The following GRID2 variants were observed in gnomAD, a reference collection of about 807,000 sequenced individuals.
GRID2 encodes the protein glutamate ionotropic receptor delta type subunit 2.
A neutral mutation model predicts 114.8 loss-of-function variants in GRID2; 33 were observed. That is an observed-to-expected ratio of 0.29 (90% CI 0.22 to 0.38). GRID2 has a LOEUF of 0.38. Among genes scored for constraint, GRID2 ranks in the 10% least tolerant of loss-of-function variants. The pLI is 1.00. For missense variants in GRID2, 1,184 were observed against 1,257.7 expected (o/e 0.94, Z 0.89); for synonymous variants, 505 against 449.9 (o/e 1.12, Z -1.55).
intron 8 of GRID2, among the ~76,000 whole-genome samples, chr4:93,250,972 GA>G (rs1748851629): frequency 6.6e-6 from 1 of 151,722 alleles, no homozygotes. Context: ...TTTTTACTAG[GA>G]CCTTAAACAC....
chr4:93,234,686 A>G (rs572371721), intron 7 of GRID2, among the ~76,000 whole-genome samples: 2 of 135,092 alleles, frequency 1.5e-5, no homozygotes, highest in African/African-American at 5.4e-5. Context: ...GTTTCTATTT[A>G]CCCATAAAAA....
At chr4:92,545,070 G>A (rs575440068) in intron 1 of GRID2, among the ~76,000 whole-genome samples, 5 of 151,754 alleles carry the variant, frequency 3.3e-5, no homozygotes, top group Non-Finnish European at 7.4e-5. Context: ...CTAGACAAAA[G>A]CCACTGACCT....
chr4:92,497,889 A>G (rs115282428), intron 1 of GRID2, among the ~76,000 whole-genome samples: 3,023 of 151,990 alleles, frequency 0.02, 94 homozygotes, highest in African/African-American at 0.062. Context: ...ATTTTTGGAA[A>G]TAAAAAATTA....
intron 2 of GRID2, among the ~76,000 whole-genome samples, chr4:93,038,108 T>C (rs1436065546): frequency 6.6e-6 from 1 of 152,200 alleles, no homozygotes; most frequent in Non-Finnish European, 1.5e-5. Flanking sequence ...TGTTTTTCCA[T>C]TTGTTTGTTT....
At position 92,662,115 on chromosome 4, in the gene GRID2, A is replaced by C. The variant is rs535107482; in HGVS notation, c.244+71829A>C. Among the ~76,000 whole-genome samples the C allele has an allele frequency of 2.6e-5, 4 of 151,166 alleles. No individual in the cohort carries two copies. In the East Asian group the frequency reaches 5.8e-4, roughly 22 times the overall value. On this transcript the variant is annotated intron_variant, in intron 2 of 15. Coordinates refer to ENST00000282020, the MANE Select transcript of GRID2 (RefSeq NM_001510.4). Reference sequence around the variant, plus strand: ...AGCCCTAAGCCCTTCTCATCCTCACACAGGTTTCCTTTCTGTGTATGAAAA... The same window carrying C: ...AGCCCTAAGCCCTTCTCATCCTCACCCAGGTTTCCTTTCTGTGTATGAAAA...
At chr4:93,730,488 A>G (rs1377785729) in intron 14 of GRID2, among the ~76,000 whole-genome samples, 2 of 152,192 alleles carry the variant, frequency 1.3e-5, no homozygotes, top group Non-Finnish European at 2.9e-5. Flanking sequence ...AAAAGCGACA[A>G]TCAAGCCTTT....
Position 92,685,614 on chromosome 4 carries a change from T to C in GRID2, c.244+95328T>C, listed in dbSNP as rs539240766. On this transcript the variant is annotated intron_variant, in intron 2 of 15. Transcript: ENST00000282020. ...TTTTAACTATCTGCACATATTTTCA[T>C]AGAGTTCACTGATTTTATTAAATGA... is the stretch of plus-strand genomic sequence containing the variant. Among the ~76,000 whole-genome samples the C allele has an allele frequency of 3.9e-3, 593 of 152,218 alleles. 2 individuals are homozygous for C. The highest frequency in any genetic ancestry group is 6.4e-3 in the Admixed American group (98 of 15,302).
At chr4:93,549,747 A>G (rs1201999851) in intron 13 of GRID2, among the ~76,000 whole-genome samples, 1 of 152,212 alleles carries the variant, frequency 6.6e-6, no homozygotes, top group Non-Finnish European at 1.5e-5. Flanking sequence ...CTGCCAAGCA[A>G]ATTAATATAA....
chr4:93,625,356 C>T (rs768650750), intron 13 of GRID2, among the ~76,000 whole-genome samples: 4 of 152,184 alleles, frequency 2.6e-5, no homozygotes, highest in Non-Finnish European at 5.9e-5. Context: ...TTCTCTCAAT[C>T]CAAATGACAT....
intron 1 of GRID2, among the ~76,000 whole-genome samples, chr4:93,788,783 G>A (rs568385029): frequency 6.6e-6 from 1 of 152,284 alleles, no homozygotes; most frequent in South Asian, 2.1e-4. Context: ...CTTTATTGCA[G>A]CACTTCATCA....
rs1443704313 is a variant in GRID2 at position 93,412,164 on chromosome 4, C to G, written c.1348-10607C>G. On this transcript the variant is annotated intron_variant, in intron 9 of 15. Transcript: ENST00000282020. ...GGTTCTGTGGCTCATGCCTATAACT[C>G]CAGCATTTGGGGATCACTTGAGGTC... Among the ~76,000 whole-genome samples the G allele has an allele frequency of 2.6e-5, 4 of 151,640 alleles. No homozygotes were observed. The East Asian group carries it at 7.8e-4, about 30-fold the overall frequency.
chr4:92,383,409 A>G (rs780841281), intron 1 of GRID2, among the ~76,000 whole-genome samples: 4 of 152,042 alleles, frequency 2.6e-5, no homozygotes, highest in Non-Finnish European at 5.9e-5. Context: ...TATAAGCTCC[A>G]AAGGCCTAAG....
At chr4:92,929,074 T>C (rs1268192632) in intron 2 of GRID2, among the ~76,000 whole-genome samples, 1 of 151,544 alleles carries the variant, frequency 6.6e-6, no homozygotes, top group African/African-American at 2.4e-5. Flanking sequence ...ATATCTTCTT[T>C]TTATGTTTAT....
At chr4:92,912,086 TTACTA>T (rs982280193) in intron 2 of GRID2, among the ~76,000 whole-genome samples, 3 of 151,998 alleles carry the variant, frequency 2.0e-5, no homozygotes, top group Admixed American at 6.6e-5. Flanking sequence ...GTCATGTACT[TTACTA>T]TATTATTGCT....
At chr4:92,489,689 T>C (rs769742026) in intron 1 of GRID2, among the ~76,000 whole-genome samples, 98 of 151,782 alleles carry the variant, frequency 6.5e-4, no homozygotes, top group South Asian at 1.0e-3. Flanking sequence ...CTACTAAAAA[T>C]ACAAAAACTA....
At position 93,772,598 on chromosome 4, in the gene GRID2, A is replaced by G. The variant is rs1734200536; in HGVS notation, c.*100A>G. 1.2e-6 allele frequency: 1 copy of G among 833,536 alleles called. No homozygotes were observed. Among genetic ancestry groups the G allele is most frequent in the Non-Finnish European group, 1.9e-6 (1 of 536,896 alleles). 51.6% of individuals were successfully genotyped at this position (833,536 alleles called of 1,614,324 possible). On this transcript the variant is annotated 3_prime_UTR_variant, in exon 16 of 16. Coordinates refer to ENST00000282020, the MANE Select transcript of GRID2 (RefSeq NM_001510.4). ...AACATGGATGTAACGTTTAAAAAAA[A>G]GATCAGGATTATTAGTAACAATTCT...
At chr4:93,530,160 C>T (rs1470748315) in intron 13 of GRID2, among the ~76,000 whole-genome samples, 1 of 152,130 alleles carries the variant, frequency 6.6e-6, no homozygotes, top group Non-Finnish European at 1.5e-5. Context: ...TTACCATCCT[C>T]CTGGACTACA....
intron 4 of GRID2, among the ~76,000 whole-genome samples, chr4:93,197,142 G>A (rs1741578020): frequency 6.6e-6 from 1 of 152,066 alleles, no homozygotes; most frequent in Non-Finnish European, 1.5e-5. Flanking sequence ...TTAACACAGT[G>A]GAGTATAAAT....
At chr4:92,927,668 C>A (rs1007052470) in intron 2 of GRID2, among the ~76,000 whole-genome samples, 2 of 151,674 alleles carry the variant, frequency 1.3e-5, no homozygotes, top group East Asian at 1.9e-4. Flanking sequence ...GATTTGAGAT[C>A]CTTTATCCAA....
Sources: allele counts gnomAD v4.1 joint callset (sites outside exome capture counted in the v4.1 genomes callset), GRCh38; gene constraint gnomAD v4.1.1; transcripts MANE v1.5; gene names NCBI Gene and HGNC (gene_info 2026-07-23, HGNC 2026-07-21).